The following DCC variants were observed in gnomAD, a reference collection of about 807,000 sequenced individuals.
DCC encodes DCC netrin 1 receptor.
Under a neutral mutation model 172.5 loss-of-function variants are expected in DCC, and 58 were observed. The ratio of observed to expected loss-of-function variants is 0.34; its 90% CI spans 0.27 to 0.42. DCC has a LOEUF of 0.42. DCC is among the 10% of genes least tolerant of loss of function. DCC has a pLI of 1.00. For synonymous variants in DCC, 709 were observed against 644.5 expected, an observed-to-expected ratio of 1.10 and a Z score of -1.52; for missense variants, 1,740 against 1,791.0, an observed-to-expected ratio of 0.97 and a Z score of 0.51.
chr18:53,373,368 T>A (rs2058078565), intron 15 of DCC, among the ~76,000 whole-genome samples: 1 of 152,108 alleles, frequency 6.6e-6, no homozygotes, highest in South Asian at 2.1e-4. Context: ...ATTTTTTCTG[T>A]TTTTATCCCC....
At chr18:52,796,625 C>A (rs2145217568) in intron 2 of DCC, among the ~76,000 whole-genome samples, 1 of 152,168 alleles carries the variant, frequency 6.6e-6, no homozygotes, top group Non-Finnish European at 1.5e-5. Context: ...TTTTATAAAG[C>A]ATTTTGAATA....
At chr18:52,471,496 A>G (rs1988943945) in intron 1 of DCC, among the ~76,000 whole-genome samples, 1 of 152,258 alleles carries the variant, frequency 6.6e-6, no homozygotes, top group South Asian at 2.1e-4. Flanking sequence ...GAAAGATTAC[A>G]TTCTATCGAC....
At chr18:52,490,952 T>G (rs1451910317) in intron 1 of DCC, among the ~76,000 whole-genome samples, 1 of 152,100 alleles carries the variant, frequency 6.6e-6, no homozygotes, top group Non-Finnish European at 1.5e-5. Flanking sequence ...AATCAATTTC[T>G]TCTTTGACAC....
At chr18:53,525,010 C>T (rs946421751) in intron 27 of DCC, among the ~76,000 whole-genome samples, 1 of 152,026 alleles carries the variant, frequency 6.6e-6, no homozygotes, top group African/African-American at 2.4e-5. Context: ...ATTTGGATAA[C>T]TATTTTTGGC....
chr18:52,368,514 A>T (rs527735614), intron 1 of DCC, among the ~76,000 whole-genome samples: 1 of 152,306 alleles, frequency 6.6e-6, no homozygotes, highest in Admixed American at 6.5e-5. Flanking sequence ...AGGAAAAATG[A>T]TCCTGTCACA....
intron 5 of DCC, among the ~76,000 whole-genome samples, chr18:53,006,292 G>T (rs914966319): frequency 6.6e-6 from 1 of 152,114 alleles, no homozygotes; most frequent in Non-Finnish European, 1.5e-5. Context: ...ATCCAGTCAG[G>T]TGTCTCCTAC....
chr18:53,357,856 T>C (rs2057894539), intron 15 of DCC, among the ~76,000 whole-genome samples: 1 of 152,182 alleles, frequency 6.6e-6, no homozygotes, highest in Non-Finnish European at 1.5e-5. Context: ...TGAAAATTCA[T>C]ATTGTGTGCT....
intron 1 of DCC, among the ~76,000 whole-genome samples, chr18:52,373,570 T>A (rs953749428): frequency 6.6e-6 from 1 of 152,206 alleles, no homozygotes; most frequent in African/African-American, 2.4e-5. Flanking sequence ...AGGCTCTCCC[T>A]GTACATTGTG....
chr18:53,069,868 T>G (rs1398613862), intron 7 of DCC, among the ~76,000 whole-genome samples: 2 of 152,120 alleles, frequency 1.3e-5, no homozygotes, highest in Non-Finnish European at 2.9e-5. Context: ...TTTTAAATTA[T>G]TAGTTGAATA....
At chr18:52,627,970 TTTTC>T (rs2034604693) in intron 1 of DCC, among the ~76,000 whole-genome samples, 2 of 152,202 alleles carry the variant, frequency 1.3e-5, no homozygotes, top group Admixed American at 1.3e-4. Flanking sequence ...AGCCCTCTCT[TTTTC>T]TTTCAGAAAA....
intron 2 of DCC, among the ~76,000 whole-genome samples, chr18:52,780,715 T>C (rs1237168965): frequency 6.6e-6 from 1 of 152,124 alleles, no homozygotes; most frequent in Admixed American, 6.5e-5. Context: ...TTGTGTGATA[T>C]TACTTCCCTC....
intron 1 of DCC, among the ~76,000 whole-genome samples, chr18:52,695,228 T>C (rs1474757750): frequency 2.0e-5 from 3 of 152,218 alleles, no homozygotes; most frequent in Non-Finnish European, 4.4e-5. Flanking sequence ...CTCAATTTCT[T>C]CAGTTATAAA....
chr18:53,501,931 T>C (rs760898301), intron 27 of DCC, among the ~76,000 whole-genome samples: 1 of 152,114 alleles, frequency 6.6e-6, no homozygotes, highest in African/African-American at 2.4e-5. Flanking sequence ...TAAAACAAAA[T>C]CTGATACAAT....
At chr18:52,802,057 A>G (rs2038000168) in intron 2 of DCC, among the ~76,000 whole-genome samples, 1 of 151,282 alleles carries the variant, frequency 6.6e-6, no homozygotes, top group Admixed American at 6.6e-5. Context: ...CCCTCTGAGC[A>G]GTAACACAGT....
At chr18:53,166,098 T>C (rs973652620) in intron 8 of DCC, among the ~76,000 whole-genome samples, 1 of 152,006 alleles carries the variant, frequency 6.6e-6, no homozygotes, top group African/African-American at 2.4e-5. Context: ...AGAGAGAACT[T>C]TGTAGATATT....
chr18:53,497,619 C>CA (rs2046040480), intron 26 of DCC, among the ~76,000 whole-genome samples: 1 of 152,178 alleles, frequency 6.6e-6, no homozygotes, highest in Non-Finnish European at 1.5e-5. Flanking sequence ...ACCACACTCA[C>CA]AAAAATCTCA....
At chr18:52,585,558 A>G (rs1240937101) in intron 1 of DCC, among the ~76,000 whole-genome samples, 1 of 152,202 alleles carries the variant, frequency 6.6e-6, no homozygotes, top group Non-Finnish European at 1.5e-5. Flanking sequence ...CAGTCAGGAA[A>G]AGGTTGACCA....
At chr18:52,688,183 C>T (rs1270581436) in intron 1 of DCC, among the ~76,000 whole-genome samples, 1 of 151,054 alleles carries the variant, frequency 6.6e-6, no homozygotes, top group African/African-American at 2.4e-5. Context: ...TTGAGGTCAA[C>T]ATACTTCCAA....
At chr18:53,048,810 A>AG (rs2042295278) in intron 5 of DCC, among the ~76,000 whole-genome samples, 1 of 151,818 alleles carries the variant, frequency 6.6e-6, no homozygotes, top group Non-Finnish European at 1.5e-5. Flanking sequence ...GCAGGGTATA[A>AG]GGATTTTCTT....
Sources: allele counts gnomAD v4.1 joint callset (sites outside exome capture counted in the v4.1 genomes callset), GRCh38; gene constraint gnomAD v4.1.1; transcripts MANE v1.5; gene names NCBI Gene and HGNC (gene_info 2026-07-23, HGNC 2026-07-21).